The following PCDH15 variants were observed in gnomAD, a reference collection of about 807,000 sequenced individuals.
The protein encoded by PCDH15 is protocadherin related 15, also known as protocadherin-15.
In PCDH15, 129 loss-of-function variants were observed where a neutral mutation model predicts 178.5. That is an observed-to-expected ratio of 0.72 (90% CI 0.63 to 0.84). The LOEUF (loss-of-function observed/expected upper bound fraction) is 0.84, where lower values mean the gene tolerates loss of function less well. Ranked by LOEUF, PCDH15 falls within the 40% of genes least tolerant of loss-of-function variation. The pLI is 0.00. For missense variants in PCDH15, 2,230 were observed against 2,099.9 expected (o/e 1.06, Z -1.21); for synonymous variants, 800 against 732.0 (o/e 1.09, Z -1.50).
intron 2 of PCDH15, among the ~76,000 whole-genome samples, chr10:54,574,829 T>C (rs1244435355): frequency 6.9e-6 from 1 of 145,620 alleles, no homozygotes; most frequent in Non-Finnish European, 1.5e-5. Flanking sequence ...TAAATCATGC[T>C]GCTATAAAGA....
At chr10:53,978,211 T>C (rs2090347191) in intron 21 of PCDH15, among the ~76,000 whole-genome samples, 1 of 152,194 alleles carries the variant, frequency 6.6e-6, no homozygotes, top group Non-Finnish European at 1.5e-5. Flanking sequence ...AGGTTCTCCA[T>C]GAGAATTCTG....
intron 2 of PCDH15, among the ~76,000 whole-genome samples, chr10:55,351,022 G>C: frequency 1.2e-5 from 1 of 80,128 alleles, no homozygotes; most frequent in Non-Finnish European, 2.2e-5. Context: ...CTCTCTCCCT[G>C]CTTCCTCCCC....
intron 26 of PCDH15, among the ~76,000 whole-genome samples, chr10:53,884,058 GGTTT>G (rs1173724235): frequency 6.6e-6 from 1 of 152,012 alleles, no homozygotes; most frequent in African/African-American, 2.4e-5. Context: ...AAAACAAACT[GGTTT>G]GTTTTTATTT....
At chr10:54,304,669 A>G (rs2060357154) in intron 8 of PCDH15, among the ~76,000 whole-genome samples, 1 of 152,048 alleles carries the variant, frequency 6.6e-6, no homozygotes, top group South Asian at 2.1e-4. Flanking sequence ...AGTAACTTGA[A>G]CTGATTTATG....
intron 2 of PCDH15, among the ~76,000 whole-genome samples, chr10:55,528,430 A>G (rs372540212): frequency 1.3e-5 from 2 of 151,714 alleles, no homozygotes; most frequent in African/African-American, 2.4e-5. Flanking sequence ...CCTGTGTCCA[A>G]GTGTTCTCAT....
intron 2 of PCDH15, among the ~76,000 whole-genome samples, chr10:54,953,360 G>C (rs1838394946): frequency 6.6e-6 from 1 of 151,326 alleles, no homozygotes; most frequent in Non-Finnish European, 1.5e-5. Context: ...TTGAGTATAT[G>C]AAATAAATCC....
At chr10:54,309,339 A>G (rs1019254921) in intron 8 of PCDH15, among the ~76,000 whole-genome samples, 37 of 151,856 alleles carry the variant, frequency 2.4e-4, no homozygotes, top group Non-Finnish European at 3.8e-4. Context: ...ACACACACAC[A>G]CACACACACA....
intron 3 of PCDH15, among the ~76,000 whole-genome samples, chr10:54,449,890 A>C (rs2076361315): frequency 6.6e-6 from 1 of 151,640 alleles, no homozygotes; most frequent in African/African-American, 2.4e-5. Flanking sequence ...CTGAGAGACA[A>C]ACATACATAG....
At chr10:55,255,122 G>A (rs952428766) in intron 1 of PCDH15, among the ~76,000 whole-genome samples, 1 of 152,006 alleles carries the variant, frequency 6.6e-6, no homozygotes, top group Non-Finnish European at 1.5e-5. Context: ...CCCACAACAG[G>A]CCCCAGTGGG....
At chr10:54,839,464 T>A (rs1315449956) in intron 3 of PCDH15, among the ~76,000 whole-genome samples, 1 of 152,030 alleles carries the variant, frequency 6.6e-6, no homozygotes, top group African/African-American at 2.4e-5. Flanking sequence ...CATTTAAAAT[T>A]AGCCAGTTGA....
intron 1 of PCDH15, among the ~76,000 whole-genome samples, chr10:55,257,165 C>T (rs1842022414): frequency 6.6e-6 from 1 of 152,178 alleles, no homozygotes; most frequent in Non-Finnish European, 1.5e-5. Flanking sequence ...GCTGAGGGTC[C>T]TGACTGTTAG....
At chr10:55,517,987 C>T (rs1266327090) in intron 2 of PCDH15, among the ~76,000 whole-genome samples, 3 of 152,084 alleles carry the variant, frequency 2.0e-5, no homozygotes, top group Non-Finnish European at 4.4e-5. Flanking sequence ...CCTAACTCTC[C>T]TTAAATATCA....
At chr10:54,742,823 G>T in intron 1 of PCDH15, among the ~76,000 whole-genome samples, 1 of 152,038 alleles carries the variant, frequency 6.6e-6, no homozygotes. Flanking sequence ...TCGTCACAAA[G>T]AATACATTGC....
intron 4 of PCDH15, among the ~76,000 whole-genome samples, chr10:54,373,818 A>G (rs770633437): frequency 6.6e-6 from 1 of 152,028 alleles, no homozygotes; most frequent in African/African-American, 2.4e-5. Context: ...CAGAAGCAGC[A>G]TTTAAGATAT....
At chr10:54,718,363 C>A (rs1483162569) in intron 1 of PCDH15, among the ~76,000 whole-genome samples, 1 of 151,994 alleles carries the variant, frequency 6.6e-6, no homozygotes, top group Middle Eastern at 3.2e-3. Flanking sequence ...GATTCCAGTC[C>A]AATAGGAAGC....
intron 2 of PCDH15, among the ~76,000 whole-genome samples, chr10:55,121,106 C>T (rs1837755683): frequency 6.6e-6 from 1 of 152,066 alleles, no homozygotes; most frequent in African/African-American, 2.4e-5. Flanking sequence ...GTGTAGGCTG[C>T]ACCGAACTCA....
intron 1 of PCDH15, among the ~76,000 whole-genome samples, chr10:55,297,938 C>G (rs1435327819): frequency 6.6e-6 from 1 of 152,040 alleles, no homozygotes; most frequent in African/African-American, 2.4e-5. Flanking sequence ...GTGAAACTGA[C>G]CATTCTAGAA....
rs1025216731 is a variant in PCDH15, at chr10:54,261,733, G to A, written c.877-24802C>T. Among the ~76,000 whole-genome samples, 17 of 152,092 alleles carry A rather than the reference G, an allele frequency of 1.1e-4. No individual in the cohort carries two copies. In the Middle Eastern group the frequency reaches 0.01, roughly 91 times the overall value. On this transcript the variant is annotated intron_variant, in intron 8 of 37. Coordinates refer to ENST00000644397, the MANE Select transcript of PCDH15 (RefSeq NM_001384140.1). ...TGTCAGAGTACATATCAGTGTTGGAGGAAGAGAATAAGGAGGAAGCACAGA... is the reference window on the plus strand; with the variant it reads ...TGTCAGAGTACATATCAGTGTTGGAAGAAGAGAATAAGGAGGAAGCACAGA...
intron 3 of PCDH15, among the ~76,000 whole-genome samples, chr10:54,404,208 G>A (rs1384175129): frequency 2.6e-5 from 4 of 151,674 alleles, no homozygotes; most frequent in Admixed American, 6.6e-5. Flanking sequence ...GACCTGAATA[G>A]CCAAGGCATT....
Sources: allele counts gnomAD v4.1 joint callset (sites outside exome capture counted in the v4.1 genomes callset), GRCh38; gene constraint gnomAD v4.1.1; transcripts MANE v1.5; gene names NCBI Gene and HGNC (gene_info 2026-07-23, HGNC 2026-07-21).